Variants in POFUT2 observed in about 807,000 individuals in gnomAD.
The protein encoded by POFUT2 is protein O-fucosyltransferase 2, also known as GDP-fucose protein O-fucosyltransferase 2.
POFUT2 carries 30 observed loss-of-function variants against 55.0 expected under a neutral mutation model. That is an observed-to-expected ratio of 0.55 (90% CI 0.41 to 0.74). The LOEUF is 0.74. Among genes scored for constraint, POFUT2 ranks in the 30% least tolerant of loss-of-function variants. The probability of loss-of-function intolerance (pLI) is 0.00; values close to 1 mark genes in which losing one functional copy is unlikely to be tolerated. For missense variants in POFUT2, 524 were observed against 562.6 expected (o/e 0.93, Z 0.69); for synonymous variants, 267 against 231.1 (o/e 1.16, Z -1.41).
chr21:45,265,834 C>T lies in POFUT2; in HGVS notation c.1137-199G>A. Reference sequence around the variant, plus strand: ...GCTCAGGTGCCCTCGACATCGGCGCCCTGAGGGGCTCTGCCTGGTGCTGCA... The same window carrying T: ...GCTCAGGTGCCCTCGACATCGGCGCTCTGAGGGGCTCTGCCTGGTGCTGCA... On this transcript the variant is annotated intron_variant, in intron 8 of 8. Transcript: ENST00000349485. This position sits in a 1 kb window ranked among gnomAD's most constrained non-coding sequence, Gnocchi z 4.6. 3 of 1,399,614 alleles carry T rather than the reference C, an allele frequency of 2.1e-6. No homozygotes were observed. Among genetic ancestry groups the T allele is most frequent in the African/African-American group, 2.9e-5 (2 of 68,848 alleles). 86.7% of individuals were successfully genotyped at this position (1,399,614 alleles called of 1,614,324 possible). A position where few individuals can be genotyped will look rare whatever the true frequency, so the allele number is the denominator to read the frequency against.
At position 45,283,514 on chromosome 21, in the gene POFUT2, G is replaced by A. The variant is rs1458077712; in HGVS notation, c.396C>T (p.Pro132=). The A allele has an allele frequency of 1.9e-6, 3 of 1,613,566 alleles. No individual in the cohort carries two copies. Among genetic ancestry groups the A allele is most frequent in the Non-Finnish European group, 2.5e-6 (3 of 1,179,836 alleles). ...GCAGGACGTAAACCTGGTCAATAAA[G>A]GGCCCACCAGATTCTGAAAGACACC... The part of the protein sequence containing the change: ...YEQFIAESGG[P]FIDQVYVLQS... Residue 132 remains proline (P), a synonymous_variant, in exon 3 of 9, where the codon CCC becomes CCT. Transcript: ENST00000349485.
At chr21:45,274,102 A>C (rs538325617) in intron 6 of POFUT2, among the ~76,000 whole-genome samples, 18 of 152,320 alleles carry the variant, frequency 1.2e-4, no homozygotes, top group African/African-American at 4.1e-4. Context: ...GATCTGATAA[A>C]TGAATTCAGT....
rs2093135819 is a variant in POFUT2, at chr21:45,264,418, C to T, written c.*1064G>A. 1 of 152,308 alleles carries T rather than the reference C, an allele frequency of 6.6e-6. No homozygotes were observed. The highest frequency in any genetic ancestry group is 1.5e-5 in the Non-Finnish European group (1 of 68,082). The allele number at this position is 152,308 out of a possible 1,614,324, so 9.4% of individuals were successfully genotyped here. On this transcript the variant is annotated 3_prime_UTR_variant, in exon 9 of 9. Coordinates refer to ENST00000349485, the MANE Select transcript of POFUT2 (RefSeq NM_133635.6). ...GACCCCTGAGGCACTGCTGCACCTTCCACGGATTCTGTGTCTAGCGTTGCC... is the reference window on the plus strand; with the variant it reads ...GACCCCTGAGGCACTGCTGCACCTTTCACGGATTCTGTGTCTAGCGTTGCC...
chr21:45,282,858 T>C lies in POFUT2; in HGVS notation c.528-399A>G, dbSNP rs1218957249. 1 of 479,172 alleles carries C rather than the reference T, an allele frequency of 2.1e-6. No individual in the cohort carries two copies. Among genetic ancestry groups the C allele is most frequent in the South Asian group, 1.5e-5 (1 of 64,630 alleles). 29.7% of individuals were successfully genotyped at this position (479,172 alleles called of 1,614,324 possible). ...CACTGGACACATGGAGGCTGTTAAC[T>C]GACAGCTTTTCCACAGGAGGCCTGG... On this transcript the variant is annotated intron_variant, in intron 3 of 8. Coordinates refer to ENST00000349485, the MANE Select transcript of POFUT2 (RefSeq NM_133635.6). The surrounding 1 kb of genome is among the most constrained non-coding windows in gnomAD (Gnocchi z 4.6).
chr21:45,266,216 G>A (rs1208222550), intron 8 of POFUT2: 1 of 1,367,612 alleles, frequency 7.3e-7, no homozygotes, highest in Admixed American at 1.9e-5. Context: ...CTCTCCAGCG[G>A]CACTTCATGA....
Position 45,265,056 on chromosome 21 carries a change from G to A in POFUT2, c.*426C>T, listed in dbSNP as rs1314262772. The stretch of plus-strand genomic sequence containing the variant: ...ACGCTTCTCCTTGCACCAGCTCCCA[G>A]GGAAATGTCAGCCCGGGTCCACCTG... On this transcript the variant is annotated 3_prime_UTR_variant, in exon 9 of 9. Coordinates refer to ENST00000349485, the MANE Select transcript of POFUT2 (RefSeq NM_133635.6). The surrounding 1 kb of genome is among the most constrained non-coding windows in gnomAD (Gnocchi z 4.6). The A allele has an allele frequency of 1.3e-5, 2 of 157,378 alleles. No individual in the cohort carries two copies. Among genetic ancestry groups the A allele is most frequent in the African/African-American group, 4.8e-5 (2 of 41,618 alleles). The allele number at this position is 157,378 out of a possible 1,614,324, so 9.7% of individuals were successfully genotyped here.
Position 45,269,995 on chromosome 21 carries a change from C to T in POFUT2, c.856G>A (p.Gly286Ser), listed in dbSNP as rs1398141722. The T allele has an allele frequency of 6.4e-7, 1 of 1,561,830 alleles. No homozygotes were observed. Among genetic ancestry groups the T allele is most frequent in the Non-Finnish European group, 8.6e-7 (1 of 1,160,096 alleles). Residue 286 changes from glycine (G) to serine (S), a missense_variant, in exon 7 of 9, where the codon GGC becomes AGC. Physicochemically the swap from Gly to Ser is moderately conservative, Grantham distance 56. Transcript: ENST00000349485. ...CTCAGGTGGACTCCCAGGTAGGGGCCCCCTAGCGCGGAGCCCAGCTTGACC... is the reference window on the plus strand; with the variant it reads ...CTCAGGTGGACTCCCAGGTAGGGGCTCCCTAGCGCGGAGCCCAGCTTGACC... ...MKVKLGSALGGPYLGVHLRRK... is the reference protein window; with the variant it reads ...MKVKLGSALGSPYLGVHLRRK...
Position 45,269,878 on chromosome 21 carries a change from G to A in POFUT2, c.973C>T (p.Leu325=), listed in dbSNP as rs763252055. 5 of 1,610,942 alleles carry A rather than the reference G, an allele frequency of 3.1e-6. No individual in the cohort carries two copies. Among genetic ancestry groups the A allele is most frequent in the Non-Finnish European group, 4.2e-6 (5 of 1,179,196 alleles). The change falls in exon 7 of 9, where the codon CTG becomes TTG. Residue 325 remains leucine, a synonymous_variant. Coordinates refer to ENST00000349485, the MANE Select transcript of POFUT2 (RefSeq NM_133635.6). The part of the protein sequence containing the change: ...KIRSLMKTHR[L]DKVFVATDAV... ...TCTGTGGCCACAAACACCTTGTCCA[G>A]CCGGTGGGTCTTCATGAGGCTGCGG...
chr21:45,281,626 G>A lies in POFUT2; in HGVS notation c.638+723C>T, dbSNP rs1186870347. 6.6e-6 allele frequency among the ~76,000 whole-genome samples: 1 copy of A among 152,096 alleles called. No homozygotes were observed. The highest frequency in any genetic ancestry group is 2.4e-5 in the African/African-American group (1 of 41,414). ...GATGGCCTCTAGAGGCACACACAGG[G>A]CACGACAGCAGACAAGGCAGCCTCA... is the stretch of plus-strand genomic sequence containing the variant. On this transcript the variant is annotated intron_variant, in intron 4 of 8. Coordinates refer to ENST00000349485, the MANE Select transcript of POFUT2 (RefSeq NM_133635.6). This position sits in a 1 kb window ranked among gnomAD's most constrained non-coding sequence, Gnocchi z 5.0.
rs979840443 is a variant in POFUT2 at position 45,264,209 on chromosome 21, T to A, written c.*1273A>T. On this transcript the variant is annotated 3_prime_UTR_variant, in exon 9 of 9. Transcript: ENST00000349485. ...AGGCTCCGAAAGGAAGAGCTGTCTG[T>A]CCCTCCTAACTGTCCTCTCTCTGTC... is the stretch of plus-strand genomic sequence containing the variant. The A allele has an allele frequency of 8.5e-6, 1 of 117,150 alleles. No individual in the cohort carries two copies. The highest frequency in any genetic ancestry group is 4.4e-5 in the African/African-American group (1 of 22,804). The allele number at this position is 117,150 out of a possible 1,614,324, so 7.3% of individuals were successfully genotyped here. A position where few individuals can be genotyped will look rare whatever the true frequency, so the allele number is the denominator to read the frequency against.
chr21:45,287,884 C>T lies in POFUT2; in HGVS notation c.-13G>A, dbSNP rs552831711. 5.2e-5 allele frequency: 69 copies of T among 1,317,094 alleles called. No individual in the cohort carries two copies. Among genetic ancestry groups the T allele is most frequent in the Non-Finnish European group, 6.3e-5 (65 of 1,025,926 alleles). 81.6% of individuals were successfully genotyped at this position (1,317,094 alleles called of 1,614,324 possible). On this transcript the variant is annotated 5_prime_UTR_variant, in exon 1 of 9. Coordinates refer to ENST00000349485, the MANE Select transcript of POFUT2 (RefSeq NM_133635.6). ...TGAGTGTCGCCATGGCCCCGGGCGGCCACGCACTTCCGGCGGCCGCGCCCC... is the reference window on the plus strand; with the variant it reads ...TGAGTGTCGCCATGGCCCCGGGCGGTCACGCACTTCCGGCGGCCGCGCCCC...
At chr21:45,269,665 T>G (rs1295566150) in intron 7 of POFUT2, among the ~76,000 whole-genome samples, 174 bp downstream of exon 7, 1 of 151,880 alleles carries the variant, frequency 6.6e-6, no homozygotes, top group African/African-American at 2.4e-5. Context: ...GGCCGCAGGG[T>G]CCTCTGCCTA....
At position 45,282,508 on chromosome 21, in the gene POFUT2, A is replaced by G. The variant is rs2146659742; in HGVS notation, c.528-49T>C. 1.8e-6 allele frequency: 2 copies of G among 1,123,772 alleles called. No homozygotes were observed. The highest frequency in any genetic ancestry group is 1.3e-5 in the South Asian group (1 of 79,396). The allele number at this position is 1,123,772 out of a possible 1,614,324, so 69.6% of individuals were successfully genotyped here. A position where few individuals can be genotyped will look rare whatever the true frequency, so the allele number is the denominator to read the frequency against. Reference sequence around the variant, plus strand: ...CTCTATCAGTTTATTTTGCTTTCACAAGGAAAACAAATCAAGTCTAGACAC... The same window carrying G: ...CTCTATCAGTTTATTTTGCTTTCACGAGGAAAACAAATCAAGTCTAGACAC... On this transcript the variant is annotated intron_variant, in intron 3 of 8. Transcript: ENST00000349485. This position sits in a 1 kb window ranked among gnomAD's most constrained non-coding sequence, Gnocchi z 4.6.
chr21:45,280,688 G>A (rs921321306), intron 4 of POFUT2, among the ~76,000 whole-genome samples: 3 of 147,552 alleles, frequency 2.0e-5, no homozygotes, highest in African/African-American at 7.3e-5. Context: ...TCCCTCACTC[G>A]CTGAGTTTCG....
At chr21:45,273,722 C>T (rs1055246475) in intron 6 of POFUT2, among the ~76,000 whole-genome samples, 15 of 152,162 alleles carry the variant, frequency 9.9e-5, no homozygotes, top group Non-Finnish European at 1.8e-4. Flanking sequence ...ATCATATGAT[C>T]ATTTCAATAG....
Position 45,285,805 on chromosome 21 carries a change from T to C in POFUT2, c.255A>G (p.Pro85=), listed in dbSNP as rs1309028348. The change falls in exon 2 of 9, where the codon CCA becomes CCG. Residue 85 remains proline (P), a synonymous_variant. Coordinates refer to ENST00000349485, the MANE Select transcript of POFUT2 (RefSeq NM_133635.6). The surrounding 1 kb of genome is among the most constrained non-coding windows in gnomAD (Gnocchi z 4.9). ...KTEEWVLVLP[P]WGRLYHWQSP... ...TCTGCCAGTGATAGAGGCGGCCCCA[T>C]GGAGGCAGGACAAGCACCCACTCCT... 2 of 1,613,590 alleles carry C rather than the reference T, an allele frequency of 1.2e-6. No individual in the cohort carries two copies. Among genetic ancestry groups the C allele is most frequent in the Non-Finnish European group, 1.7e-6 (2 of 1,180,004 alleles).
At position 45,285,415 on chromosome 21, in the gene POFUT2, G is replaced by T; in HGVS notation, c.382+263C>A. ...GGCCGCTTTCTTAGGGTGTAAGGGC[G>T]GCTCTAACTGAGGGGGCACAAAGCT... On this transcript the variant is annotated intron_variant, in intron 2 of 8. Coordinates refer to ENST00000349485, the MANE Select transcript of POFUT2 (RefSeq NM_133635.6). This position sits in a 1 kb window ranked among gnomAD's most constrained non-coding sequence, Gnocchi z 4.9. The T allele has an allele frequency of 2.1e-6, 1 of 482,612 alleles. No homozygotes were observed. The highest frequency in any genetic ancestry group is 4.4e-5 in the East Asian group (1 of 22,766). The allele number at this position is 482,612 out of a possible 1,614,324, so 29.9% of individuals were successfully genotyped here.
chr21:45,279,205 G>C (rs1970056), intron 4 of POFUT2, among the ~76,000 whole-genome samples: 89,636 of 151,518 alleles, frequency 0.59, 26,944 homozygotes, highest in East Asian at 0.72. Flanking sequence ...TCCTGGCTAA[G>C]ACGGTGAAAC....
Position 45,285,523 on chromosome 21 carries a change from A to C in POFUT2, c.382+155T>G. On this transcript the variant is annotated intron_variant, in intron 2 of 8. Coordinates refer to ENST00000349485, the MANE Select transcript of POFUT2 (RefSeq NM_133635.6). The surrounding 1 kb of genome is among the most constrained non-coding windows in gnomAD (Gnocchi z 4.9). ...AAGGGACTGTGCTCCTGAACGGAGG[A>C]GGTGCTGCCACAGGCCTCAGGCAGC... The C allele has an allele frequency of 1.2e-6, 1 of 822,534 alleles. No homozygotes were observed. The highest frequency in any genetic ancestry group is 1.4e-5 in the South Asian group (1 of 71,182). The allele number at this position is 822,534 out of a possible 1,614,324, so 51.0% of individuals were successfully genotyped here. A position where few individuals can be genotyped will look rare whatever the true frequency, so the allele number is the denominator to read the frequency against.
Sources: gnomAD v4.1 joint callset for allele counts (sites outside exome capture counted in the v4.1 genomes callset) on GRCh38, gnomAD v4.1.1 for gene constraint, Gnocchi (gnomAD v3.1) non-coding constraint, MANE v1.5 for transcripts, NCBI Gene and HGNC (gene_info 2026-07-23, HGNC 2026-07-21) for gene names.